The following CSMD1 variants were observed in gnomAD, a reference collection of about 807,000 sequenced individuals.
CSMD1 encodes the protein CUB and sushi domain-containing protein 1.
CSMD1 carries 213 observed loss-of-function variants against 417.5 expected under a neutral mutation model. The observed-to-expected ratio is 0.51, with a 90% CI of 0.46 to 0.57. CSMD1 has a LOEUF of 0.57. Among genes scored for constraint, CSMD1 ranks in the 20% least tolerant of loss-of-function variants. The pLI is 0.00. For missense variants in CSMD1, 6,923 were observed against 4,529.7 expected, an observed-to-expected ratio of 1.53 and a Z score of -15.17; for synonymous variants, 2,862 against 1,736.8, an observed-to-expected ratio of 1.65 and a Z score of -16.11.
intron 1 of CSMD1, among the ~76,000 whole-genome samples, chr8:4,927,265 C>G (rs1806934605): frequency 6.6e-6 from 1 of 151,932 alleles, no homozygotes; most frequent in Non-Finnish European, 1.5e-5. Flanking sequence ...ACCATCTTGG[C>G]TAGGCTGGTC....
At chr8:4,421,827 T>G (rs1318023491) in intron 2 of CSMD1, among the ~76,000 whole-genome samples, 1 of 149,942 alleles carries the variant, frequency 6.7e-6, no homozygotes. Context: ...ACAAGAAAAG[T>G]ACAGAAATCA....
At chr8:4,813,791 G>C (rs1409754805) in intron 1 of CSMD1, among the ~76,000 whole-genome samples, 1 of 152,166 alleles carries the variant, frequency 6.6e-6, no homozygotes, top group Non-Finnish European at 1.5e-5. Flanking sequence ...GCTTGAGAAT[G>C]TCTAGGGTTG....
intron 1 of CSMD1, among the ~76,000 whole-genome samples, chr8:4,855,904 A>G (rs1204418194): frequency 6.7e-6 from 1 of 150,102 alleles, no homozygotes; most frequent in Non-Finnish European, 1.5e-5. Flanking sequence ...GATTCAGGAA[A>G]TACAGAGAAC....
At chr8:4,485,014 A>G (rs922487227) in intron 2 of CSMD1, among the ~76,000 whole-genome samples, 2 of 129,646 alleles carry the variant, frequency 1.5e-5, no homozygotes, top group Non-Finnish European at 3.3e-5. Context: ...AAAAAAAAAA[A>G]AAAAAAGAAA....
At position 3,854,956 on chromosome 8, in the gene CSMD1, ACATAG is replaced by A. The variant is rs554605378; in HGVS notation, c.819-100919_819-100915del. ...TGAGAACGTGATGCTCAATGGAAAA[ACATAG>A]CATACATACACACAAATGTCCAGGC... On this transcript the variant is annotated intron_variant, in intron 5 of 69. Transcript: ENST00000635120. Among the ~76,000 whole-genome samples the A allele has an allele frequency of 2.0e-3, 310 of 152,242 alleles. 1 individual carries two copies. The highest frequency in any genetic ancestry group is 2.1e-3 in the Non-Finnish European group (143 of 68,028).
At chr8:4,824,521 T>C (rs536484854) in intron 1 of CSMD1, among the ~76,000 whole-genome samples, 2 of 152,144 alleles carry the variant, frequency 1.3e-5, no homozygotes, top group Non-Finnish European at 2.9e-5. Context: ...TTAAAATATT[T>C]TGGGAATACA....
intron 1 of CSMD1, among the ~76,000 whole-genome samples, chr8:4,727,115 C>A (rs936992466): frequency 6.6e-6 from 1 of 152,124 alleles, no homozygotes; most frequent in Non-Finnish European, 1.5e-5. Flanking sequence ...TGAGGCCCTT[C>A]TGCAGCTGAA....
chr8:4,726,902 G>A (rs1399783629), intron 1 of CSMD1, among the ~76,000 whole-genome samples: 1 of 152,030 alleles, frequency 6.6e-6, no homozygotes, highest in Non-Finnish European at 1.5e-5. Context: ...ATGAAGAGCT[G>A]AAAAAATAGC....
chr8:4,544,499 A>G (rs903105432), intron 2 of CSMD1, among the ~76,000 whole-genome samples: 38 of 152,216 alleles, frequency 2.5e-4, no homozygotes, highest in African/African-American at 8.9e-4. Context: ...TTTAGCTAAT[A>G]TATGTTACAT....
chr8:4,577,961 G>A (rs1799213472), intron 2 of CSMD1, among the ~76,000 whole-genome samples: 1 of 152,148 alleles, frequency 6.6e-6, no homozygotes, highest in African/African-American at 2.4e-5. Flanking sequence ...AAAATGACAT[G>A]GGTCTGGTTT....
At chr8:4,685,329 T>G (rs1037946551) in intron 1 of CSMD1, among the ~76,000 whole-genome samples, 3 of 152,088 alleles carry the variant, frequency 2.0e-5, no homozygotes, top group South Asian at 4.2e-4. Context: ...ATCCCAGCAC[T>G]TTGGGAGGCT....
intron 3 of CSMD1, among the ~76,000 whole-genome samples, chr8:4,353,063 T>A (rs1360276244): frequency 6.6e-6 from 1 of 152,174 alleles, no homozygotes; most frequent in East Asian, 1.9e-4. Context: ...AAGAGTAAAA[T>A]CAGATATTGT....
At chr8:3,569,202 C>T (rs934381661) in intron 10 of CSMD1, among the ~76,000 whole-genome samples, 6 of 152,058 alleles carry the variant, frequency 3.9e-5, no homozygotes, top group African/African-American at 1.4e-4. Context: ...ATAGAAAATG[C>T]TAGTTTCTTC....
At chr8:4,076,087 T>C (rs1166078686) in intron 3 of CSMD1, among the ~76,000 whole-genome samples, 1 of 152,140 alleles carries the variant, frequency 6.6e-6, no homozygotes, top group East Asian at 1.9e-4. Context: ...TCATCTTGAA[T>C]TGCAGTTCCC....
At chr8:3,560,036 T>A (rs566012655) in intron 10 of CSMD1, among the ~76,000 whole-genome samples, 1 of 151,944 alleles carries the variant, frequency 6.6e-6, no homozygotes, top group East Asian at 1.9e-4. Context: ...TGGAGGGAAT[T>A]TGGTGAATGA....
At chr8:3,659,839 G>T (rs1416716503) in intron 7 of CSMD1, among the ~76,000 whole-genome samples, 2 of 152,080 alleles carry the variant, frequency 1.3e-5, no homozygotes, top group African/African-American at 4.8e-5. Context: ...TTCCCAAATA[G>T]ACTATACAAT....
At position 3,314,984 on chromosome 8, in the gene CSMD1, C is replaced by T. The variant is rs144471628; in HGVS notation, c.3632-6481G>A. On this transcript the variant is annotated intron_variant, in intron 23 of 69. Transcript: ENST00000635120. ...GCTCAGGTGAGCTCTGAAAACATAA[C>T]TGAAGAAAAGGAATACTGGTCATTT... Among the ~76,000 whole-genome samples, 182 of 152,300 alleles carry T rather than the reference C, an allele frequency of 1.2e-3. 1 individual carries two copies. Among genetic ancestry groups the T allele is most frequent in the African/African-American group, 4.2e-3 (173 of 41,578 alleles).
chr8:4,886,333 A>T lies in CSMD1; in HGVS notation c.85+107999T>A, dbSNP rs374477504. Among the ~76,000 whole-genome samples the T allele has an allele frequency of 4.6e-5, 7 of 151,670 alleles. No individual in the cohort carries two copies. The East Asian group carries it at 9.6e-4, about 21-fold the overall frequency. On this transcript the variant is annotated intron_variant, in intron 1 of 69. Coordinates refer to ENST00000635120, the MANE Select transcript of CSMD1 (RefSeq NM_033225.6). ...ATCTAGTTGTTCCAGCACTATATAT[A>T]TTTTTTTATTTTATGTATATTATAA... is the stretch of plus-strand genomic sequence containing the variant.
rs1188361146 is a variant in CSMD1, at chr8:3,359,140, G to C, written c.3304+12C>G. 1 of 1,613,634 alleles carries C rather than the reference G, an allele frequency of 6.2e-7. No individual in the cohort carries two copies. The highest frequency in any genetic ancestry group is 1.1e-5 in the South Asian group (1 of 91,070). On this transcript the variant is annotated intron_variant, in intron 21 of 69. Transcript: ENST00000635120. ...CCATGGATGAATGAAATGAAAGCGT[G>C]TGACCACCTACCCACACACCTTGGC... is the stretch of plus-strand genomic sequence containing the variant.
Sources: gnomAD v4.1 joint callset for allele counts (sites outside exome capture counted in the v4.1 genomes callset) on GRCh38, gnomAD v4.1.1 for gene constraint, MANE v1.5 for transcripts, NCBI Gene and HGNC (gene_info 2026-07-23, HGNC 2026-07-21) for gene names.